The following ESR1 variants were observed in gnomAD, a reference collection of about 807,000 sequenced individuals.
ESR1 encodes estrogen receptor 1.
A neutral mutation model predicts 52.7 loss-of-function variants in ESR1; 12 were observed. That is an observed-to-expected ratio of 0.23 (90% confidence interval 0.15 to 0.37). The LOEUF (loss-of-function observed/expected upper bound fraction) is 0.37. ESR1 is among the 10% of genes least tolerant of loss of function. ESR1 has a pLI of 1.00. For synonymous variants in ESR1, 305 were observed against 316.8 expected (o/e 0.96, Z 0.39); for missense variants, 584 against 779.7 (o/e 0.75, Z 2.99).
chr6:151,828,425 T>C (rs1356327913), intron 1 of ESR1, among the ~76,000 whole-genome samples: 1 of 152,120 alleles, frequency 6.6e-6, no homozygotes, highest in African/African-American at 2.4e-5. Context: ...TGAGTCAATA[T>C]GATGAAGATT....
intron 6 of ESR1, among the ~76,000 whole-genome samples, chr6:152,119,721 T>C (rs954975893): frequency 2.6e-4 from 39 of 152,218 alleles, no homozygotes; most frequent in African/African-American, 8.7e-4. Context: ...CTTACTATTC[T>C]TTAAACCATC....
intron 4 of ESR1, among the ~76,000 whole-genome samples, chr6:151,957,309 G>C (rs537951289): frequency 6.6e-6 from 1 of 152,192 alleles, no homozygotes; most frequent in South Asian, 2.1e-4. Context: ...TAATTAATTT[G>C]AGCCTAATTT....
At chr6:151,688,960 C>T (rs1448007788), upstream of ESR1, among the ~76,000 whole-genome samples, 1 of 152,036 alleles carries the variant, frequency 6.6e-6, no homozygotes, top group Admixed American at 6.6e-5. Flanking sequence ...AAACGAATAT[C>T]AATAATAGTT....
intron 4 of ESR1, chr6:151,984,113 C>T (rs541583193): frequency 2.6e-5 from 4 of 152,228 alleles, no homozygotes; most frequent in African/African-American, 9.6e-5. Context: ...CTATTCTCCA[C>T]AAGATAATTG....
chr6:151,953,516 A>T (rs1465527862), intron 4 of ESR1, among the ~76,000 whole-genome samples: 1 of 152,000 alleles, frequency 6.6e-6, no homozygotes, highest in Admixed American at 6.6e-5. Flanking sequence ...AGGTCAAGAG[A>T]TCAAGATCAT....
chr6:152,097,034 A>AT (rs1221841895), intron 7 of ESR1, among the ~76,000 whole-genome samples: 11 of 152,164 alleles, frequency 7.2e-5, no homozygotes, highest in Admixed American at 7.2e-4. Flanking sequence ...ACCCTGGCTG[A>AT]TTTTACTGGC....
At chr6:151,868,030 G>A (rs190325576) in intron 2 of ESR1, among the ~76,000 whole-genome samples, 115 of 152,268 alleles carry the variant, frequency 7.6e-4, no homozygotes, top group African/African-American at 2.5e-3. Flanking sequence ...TGATGCTGAG[G>A]TCTGGCATAT....
At chr6:151,904,702 G>C (rs1339319044) in intron 3 of ESR1, among the ~76,000 whole-genome samples, 2 of 151,926 alleles carry the variant, frequency 1.3e-5, no homozygotes, top group Admixed American at 1.3e-4. Context: ...AATAATAATC[G>C]ATTTTGGATT....
At chr6:151,795,566 C>T (rs1316787349) in intron 2 of ESR1, among the ~76,000 whole-genome samples, 1 of 151,018 alleles carries the variant, frequency 6.6e-6, no homozygotes, top group East Asian at 1.9e-4. Context: ...GTTAAAACTG[C>T]ATGGAGAGAT....
intron 2 of ESR1, among the ~76,000 whole-genome samples, chr6:151,722,168 C>T (rs1331050195): frequency 6.6e-6 from 1 of 152,182 alleles, no homozygotes; most frequent in Non-Finnish European, 1.5e-5. Context: ...AGGGATCAGT[C>T]CTTTTGGAGT....
At chr6:151,962,710 T>C (rs866474216) in intron 4 of ESR1, among the ~76,000 whole-genome samples, 6 of 152,224 alleles carry the variant, frequency 3.9e-5, no homozygotes, top group South Asian at 2.1e-4. Flanking sequence ...TGCGTAATCA[T>C]GTGCTTGCTC....
At chr6:151,976,091 T>G (rs543276192) in intron 4 of ESR1, among the ~76,000 whole-genome samples, 3 of 152,324 alleles carry the variant, frequency 2.0e-5, no homozygotes, top group East Asian at 3.9e-4. Context: ...TGTATATTAC[T>G]TTTACCAGCC....
chr6:151,970,097 C>G (rs1303808976), intron 4 of ESR1, among the ~76,000 whole-genome samples: 3 of 152,018 alleles, frequency 2.0e-5, no homozygotes, highest in Admixed American at 2.0e-4. Flanking sequence ...CGGAAAGGCC[C>G]TTACCATGGC....
intron 5 of ESR1, among the ~76,000 whole-genome samples, chr6:152,018,064 G>C (rs958039135): frequency 3.9e-5 from 6 of 152,108 alleles, no homozygotes; most frequent in African/African-American, 1.4e-4. Flanking sequence ...AGGAGGCTCT[G>C]CCTGCAGGAA....
chr6:152,091,774 A>C (rs970858107), intron 6 of ESR1, among the ~76,000 whole-genome samples: 17 of 152,180 alleles, frequency 1.1e-4, no homozygotes, highest in African/African-American at 3.6e-4. Flanking sequence ...AGAGAGGCAC[A>C]CATGTCACCT....
At chr6:151,791,911 T>A (rs1201818717) in intron 2 of ESR1, among the ~76,000 whole-genome samples, 1 of 152,240 alleles carries the variant, frequency 6.6e-6, no homozygotes, top group East Asian at 1.9e-4. Context: ...TTCATTCTCT[T>A]CCAATACAAT....
chr6:152,018,598 G>T (rs546104505), intron 5 of ESR1, among the ~76,000 whole-genome samples: 3 of 152,170 alleles, frequency 2.0e-5, no homozygotes, highest in African/African-American at 7.2e-5. Context: ...TGTTGGGGGT[G>T]GAAGGAGCAG....
chr6:152,024,532 A>G (rs546056504), intron 5 of ESR1, among the ~76,000 whole-genome samples: 1 of 151,404 alleles, frequency 6.6e-6, no homozygotes, highest in Admixed American at 6.6e-5. Context: ...TCATTTGTTA[A>G]ATATTCTTTG....
chr6:151,712,271 G>C (rs1780672928), intron 2 of ESR1, among the ~76,000 whole-genome samples: 1 of 152,126 alleles, frequency 6.6e-6, no homozygotes, highest in Non-Finnish European at 1.5e-5. Context: ...TTGAAGTTAG[G>C]TAGCATGATC....
Sources: gnomAD v4.1 joint callset for allele counts (sites outside exome capture counted in the v4.1 genomes callset) on GRCh38, gnomAD v4.1.1 for gene constraint, MANE v1.5 for transcripts, NCBI Gene and HGNC (gene_info 2026-07-23, HGNC 2026-07-21) for gene names.